The following FAR2 variants were observed in gnomAD, a reference collection of about 807,000 sequenced individuals.
FAR2 encodes fatty acyl-CoA reductase 2, also known as epididymis secretory protein Li 81.
FAR2 carries 19 observed loss-of-function variants against 56.0 expected under a neutral mutation model. That is an observed-to-expected ratio of 0.34 (90% CI 0.24 to 0.50). FAR2 has a LOEUF of 0.50. FAR2 is among the 20% of genes least tolerant of loss of function. The pLI, the probability that FAR2 is intolerant of heterozygous loss-of-function variation, is 0.98. For synonymous variants in FAR2, 219 were observed against 218.8 expected (o/e 1.00, Z -0.01); for missense variants, 508 against 642.2 (o/e 0.79, Z 2.26).
intron 1 of FAR2, among the ~76,000 whole-genome samples, chr12:29,237,092 C>G (rs1335884918): frequency 1.3e-5 from 2 of 151,636 alleles, no homozygotes; most frequent in African/African-American, 4.9e-5. Flanking sequence ...TTTTTTTCAG[C>G]TTGAAAATAT....
intron 1 of FAR2, among the ~76,000 whole-genome samples, chr12:29,160,021 T>G (rs34624686): frequency 0.015 from 2,225 of 152,320 alleles, 33 homozygotes; most frequent in African/African-American, 0.046. Flanking sequence ...CTATAAGTCC[T>G]TACTTATTCT....
rs1489134888 is a variant in FAR2, at chr12:29,308,705, C to CATATATATATATATATATATATATATAT, written c.724-480_724-479insTATATATATATATATATATATATATATA. On this transcript the variant is annotated intron_variant, in intron 5 of 11. Transcript: ENST00000536681. ...AGACACACAGACACACACACACACA[C>CATATATATATATATATATATATATATAT]ACACACACACACACATATATATATA... 2.3e-5 allele frequency among the ~76,000 whole-genome samples: 3 copies of CATATATATATATATATATATATATATAT among 132,602 alleles called. No homozygotes were observed. In the South Asian group the frequency reaches 6.9e-4, roughly 31 times the overall value. The allele number at this position is 132,602 out of a possible 152,430, so 87.0% of individuals were successfully genotyped here. A position where few individuals can be genotyped will look rare whatever the true frequency, so the allele number is the denominator to read the frequency against.
intron 9 of FAR2, among the ~76,000 whole-genome samples, chr12:29,318,988 TTTC>T (rs1643457804): frequency 1.3e-5 from 2 of 151,902 alleles, no homozygotes; most frequent in African/African-American, 2.4e-5. Flanking sequence ...TTTTTTTCTT[TTTC>T]TTTTTTCTTT....
chr12:29,227,031 A>G (rs1947779843), intron 1 of FAR2, among the ~76,000 whole-genome samples: 1 of 152,236 alleles, frequency 6.6e-6, no homozygotes, highest in Non-Finnish European at 1.5e-5. Context: ...TAATGGGATT[A>G]GAAAATAAAA....
chr12:29,317,336 A>G (rs1326901947), intron 9 of FAR2, among the ~76,000 whole-genome samples: 2 of 152,228 alleles, frequency 1.3e-5, no homozygotes, highest in African/African-American at 4.8e-5. Flanking sequence ...CTCTGTGTAT[A>G]TGGCTAAGTG....
intron 5 of FAR2, among the ~76,000 whole-genome samples, chr12:29,308,663 T>C (rs925202180): frequency 2.1e-5 from 3 of 145,970 alleles, no homozygotes; most frequent in Non-Finnish European, 4.5e-5. Flanking sequence ...CATCTTTAAG[T>C]AAGTCAATAT....
chr12:29,251,921 T>TAGTG (rs1284219972), intron 1 of FAR2, among the ~76,000 whole-genome samples: 1 of 152,144 alleles, frequency 6.6e-6, no homozygotes, highest in Non-Finnish European at 1.5e-5. Flanking sequence ...TTATTACCCC[T>TAGTG]AGTGACCCAC....
At chr12:29,280,246 A>T (rs1198847230) in intron 2 of FAR2, among the ~76,000 whole-genome samples, 1 of 152,128 alleles carries the variant, frequency 6.6e-6, no homozygotes, top group East Asian at 1.9e-4. Context: ...TTTTATCAGT[A>T]ACCTCTCATT....
chr12:29,281,214 A>G (rs962866), intron 2 of FAR2: 66,048 of 152,084 alleles, frequency 0.43, 15,419 homozygotes, highest in African/African-American at 0.62. Context: ...ATTGTAGAAC[A>G]GCGAAGTTGA....
intron 1 of FAR2, among the ~76,000 whole-genome samples, chr12:29,253,101 C>T (rs1370761570): frequency 6.6e-6 from 1 of 152,018 alleles, no homozygotes; most frequent in Non-Finnish European, 1.5e-5. Context: ...CTAGCCTAAC[C>T]TGCAGATTTT....
chr12:29,233,744 C>G (rs558761244), intron 1 of FAR2, among the ~76,000 whole-genome samples: 1 of 152,174 alleles, frequency 6.6e-6, no homozygotes, highest in African/African-American at 2.4e-5. Context: ...AAGTCTTTCT[C>G]ATATTTCAAA....
intron 1 of FAR2, among the ~76,000 whole-genome samples, chr12:29,218,790 A>G (rs1947652257): frequency 6.6e-6 from 1 of 152,226 alleles, no homozygotes; most frequent in Non-Finnish European, 1.5e-5. Flanking sequence ...CACAGTGAGC[A>G]TAACGGCAAA....
chr12:29,295,496 T>C (rs1478621489), intron 3 of FAR2, among the ~76,000 whole-genome samples: 2 of 152,208 alleles, frequency 1.3e-5, no homozygotes, highest in Non-Finnish European at 1.5e-5. Context: ...ACCTTGCATA[T>C]GTAGAATACT....
chr12:29,163,231 G>A (rs1949797409), intron 1 of FAR2, among the ~76,000 whole-genome samples: 1 of 152,190 alleles, frequency 6.6e-6, no homozygotes, highest in Non-Finnish European at 1.5e-5. Context: ...ATTTCTCTGT[G>A]CCTTAGTTTT....
intron 4 of FAR2, among the ~76,000 whole-genome samples, chr12:29,304,326 G>A (rs1371657968): frequency 6.6e-6 from 1 of 152,128 alleles, no homozygotes; most frequent in African/African-American, 2.4e-5. Flanking sequence ...CTGGCTCCTG[G>A]GGGCAGAAAG....
chr12:29,167,898 G>A (rs1591827066), intron 1 of FAR2, among the ~76,000 whole-genome samples: 1 of 152,288 alleles, frequency 6.6e-6, no homozygotes, highest in African/African-American at 2.4e-5. Context: ...CCTCGTGTAA[G>A]AAACAAGAAC....
intron 1 of FAR2, among the ~76,000 whole-genome samples, chr12:29,175,207 TG>T (rs1949925613): frequency 6.6e-6 from 1 of 152,244 alleles, no homozygotes; most frequent in African/African-American, 2.4e-5. Context: ...TTGCCCCATC[TG>T]GGTCACCAAA....
At chr12:29,270,009 T>C (rs1948587867) in intron 1 of FAR2, among the ~76,000 whole-genome samples, 1 of 152,210 alleles carries the variant, frequency 6.6e-6, no homozygotes, top group South Asian at 2.1e-4. Context: ...AGCCCTTCTC[T>C]GCCTTCCAAG....
chr12:29,312,618 T>C (rs577192153), intron 8 of FAR2, among the ~76,000 whole-genome samples: 1 of 152,296 alleles, frequency 6.6e-6, no homozygotes, highest in South Asian at 2.1e-4. Context: ...CCCTGTACTA[T>C]ACAAATGATT....
Sources: allele counts gnomAD v4.1 joint callset (sites outside exome capture counted in the v4.1 genomes callset), GRCh38; gene constraint gnomAD v4.1.1; transcripts MANE v1.5; gene names NCBI Gene and HGNC (gene_info 2026-07-23, HGNC 2026-07-21).